Variants in TRHDE observed in about 807,000 individuals in gnomAD.
The protein encoded by TRHDE is thyrotropin-releasing hormone-degrading ectoenzyme.
TRHDE carries 72 observed loss-of-function variants against 125.7 expected under a neutral mutation model. The observed-to-expected ratio is 0.57, with a 90% CI of 0.47 to 0.70. The LOEUF is 0.70. Ranked by LOEUF, TRHDE falls within the 30% of genes least tolerant of loss-of-function variation. The pLI is 0.00. For missense variants in TRHDE, 1,110 were observed against 1,327.1 expected (o/e 0.84, Z 2.54); for synonymous variants, 509 against 509.1 (o/e 1.00, Z 0.00).
chr12:72,316,453 A>C (rs1380901299), intron 2 of TRHDE, among the ~76,000 whole-genome samples: 1 of 152,104 alleles, frequency 6.6e-6, no homozygotes, highest in Non-Finnish European at 1.5e-5. Flanking sequence ...GACTTTTTAC[A>C]AGACGAAAAC....
rs1190363456 is a variant in TRHDE, at chr12:72,583,923, C to CTTTTTTTTTTTT, written c.2321+8397_2321+8408dup. ...GCTTGTGGCTCTAAAGGATGACAAACTTTTTTTTTTTTTTTTTTTTTTTTT... is the reference window on the plus strand; with the variant it reads ...GCTTGTGGCTCTAAAGGATGACAAACTTTTTTTTTTTTTTTTTTTTTTTTTTTTTTTTTTTTT... On this transcript the variant is annotated intron_variant, in intron 12 of 18. Coordinates refer to ENST00000261180, the MANE Select transcript of TRHDE (RefSeq NM_013381.3). Among the ~76,000 whole-genome samples the CTTTTTTTTTTTT allele has an allele frequency of 2.2e-4, 13 of 60,462 alleles. 4 individuals carry two copies. The highest frequency in any genetic ancestry group is 1.6e-3 in the African/African-American group (13 of 7,974). 39.7% of individuals were successfully genotyped at this position (60,462 alleles called of 152,430 possible). A position where few individuals can be genotyped will look rare whatever the true frequency, so the allele number is the denominator to read the frequency against.
chr12:72,228,960 C>T (rs1271704879), intron 2 of TRHDE, among the ~76,000 whole-genome samples: 1 of 152,194 alleles, frequency 6.6e-6, no homozygotes, highest in Non-Finnish European at 1.5e-5. Flanking sequence ...GTCCATATCA[C>T]TATCAGCATT....
intron 12 of TRHDE, among the ~76,000 whole-genome samples, chr12:72,603,596 G>T (rs1438355662): frequency 6.6e-6 from 1 of 152,016 alleles, no homozygotes; most frequent in African/African-American, 2.4e-5. Context: ...GTGGTGGCAG[G>T]CGCCTGTAGT....
intron 2 of TRHDE, among the ~76,000 whole-genome samples, chr12:72,319,925 A>C (rs1297297471): frequency 6.6e-6 from 1 of 152,084 alleles, no homozygotes; most frequent in Admixed American, 6.6e-5. Context: ...GACTGCTAGG[A>C]AGCTCAGAGT....
chr12:72,265,035 TAC>T (rs1879034418), intron 2 of TRHDE, among the ~76,000 whole-genome samples: 1 of 151,704 alleles, frequency 6.6e-6, no homozygotes, highest in Non-Finnish European at 1.5e-5. Flanking sequence ...TCTTTGTAGA[TAC>T]AGACTCCATG....
chr12:72,093,506 C>T (rs1874839953), intron 1 of TRHDE, among the ~76,000 whole-genome samples: 1 of 152,022 alleles, frequency 6.6e-6, no homozygotes, highest in African/African-American at 2.4e-5. Flanking sequence ...CTTTTTTACT[C>T]CTTTTCATTC....
At position 72,278,702 on chromosome 12, in the gene TRHDE, A is replaced by G. The variant is rs1592514974; in HGVS notation, c.914+5145A>G. 1.3e-5 allele frequency among the ~76,000 whole-genome samples: 2 copies of G among 152,270 alleles called. 1 individual carries two copies. Among genetic ancestry groups the G allele is most frequent in the South Asian group, 4.1e-4 (2 of 4,820 alleles). On this transcript the variant is annotated intron_variant, in intron 1 of 18. Coordinates refer to ENST00000261180, the MANE Select transcript of TRHDE (RefSeq NM_013381.3). ...TTTCCCTGATGATAAGTCATGTTGA[A>G]CATTTTTCATATACCGGTTGGCCAT...
intron 2 of TRHDE, among the ~76,000 whole-genome samples, chr12:72,178,214 G>A (rs924958165): frequency 6.6e-6 from 1 of 152,058 alleles, no homozygotes; most frequent in Non-Finnish European, 1.5e-5. Context: ...TTGGTAGCAT[G>A]GTGGTGTACA....
chr12:72,595,490 A>G (rs1315638991), intron 12 of TRHDE, among the ~76,000 whole-genome samples: 1 of 152,090 alleles, frequency 6.6e-6, no homozygotes, highest in Non-Finnish European at 1.5e-5. Flanking sequence ...TTCCAGAGTG[A>G]CTAATTTTAA....
intron 2 of TRHDE, among the ~76,000 whole-genome samples, chr12:72,366,328 C>T (rs144844860): frequency 3.8e-4 from 58 of 152,186 alleles, no homozygotes; most frequent in African/African-American, 1.3e-3. Context: ...CTGTAAGTAA[C>T]TTAAACTTGT....
chr12:72,384,718 C>T (rs1872338560), intron 3 of TRHDE, among the ~76,000 whole-genome samples: 1 of 151,918 alleles, frequency 6.6e-6, no homozygotes, highest in South Asian at 2.1e-4. Flanking sequence ...ATAAATTGCC[C>T]TATTGAAGTT....
intron 17 of TRHDE, among the ~76,000 whole-genome samples, chr12:72,656,036 C>T (rs34115559): frequency 0.14 from 21,953 of 151,980 alleles, 2,167 homozygotes; most frequent in East Asian, 0.54. Context: ...CCTATTATAA[C>T]AGTGTGTAGA....
At chr12:72,644,707 G>A (rs781573627) in intron 15 of TRHDE, among the ~76,000 whole-genome samples, 3 of 152,094 alleles carry the variant, frequency 2.0e-5, no homozygotes. Flanking sequence ...CAAATAGAGG[G>A]AAAATCCCAG....
chr12:72,625,002 A>G (rs774622811), intron 15 of TRHDE, among the ~76,000 whole-genome samples: 3 of 151,930 alleles, frequency 2.0e-5, no homozygotes, highest in Admixed American at 6.6e-5. Flanking sequence ...AGAGAATAGA[A>G]ATTGGTTTCT....
chr12:72,330,337 A>G (rs1869534909), intron 2 of TRHDE, among the ~76,000 whole-genome samples: 1 of 151,968 alleles, frequency 6.6e-6, no homozygotes, highest in African/African-American at 2.4e-5. Flanking sequence ...AAGTAAAAAA[A>G]AAAAAACCAA....
intron 2 of TRHDE, among the ~76,000 whole-genome samples, chr12:72,351,960 T>C (rs1303416017): frequency 1.3e-5 from 2 of 151,916 alleles, no homozygotes; most frequent in African/African-American, 4.8e-5. Flanking sequence ...ATTCTTCTTC[T>C]GCAGATGTTG....
intron 7 of TRHDE, among the ~76,000 whole-genome samples, chr12:72,549,203 T>C (rs1358233950): frequency 6.6e-6 from 1 of 151,842 alleles, no homozygotes; most frequent in African/African-American, 2.4e-5. Flanking sequence ...CACAAAGCCA[T>C]AGGGATTATT....
In TRHDE at chr12:72,215,913, C is replaced by A. The variant is rs193060857; in HGVS notation, n.279+110161C>A. ...TTTTACTTCTGAATATGCACTTTCG[C>A]CAAAAGGAAAAATTTGGATGGGCTA... On this transcript the variant is annotated intron_variant and non_coding_transcript_variant, in intron 2 of 4. Coordinates refer to the TRHDE transcript ENST00000548156. Among the ~76,000 whole-genome samples the A allele has an allele frequency of 9.3e-4, 142 of 152,100 alleles. 2 individuals are homozygous for A. Among genetic ancestry groups the A allele is most frequent in the African/African-American group, 3.3e-3 (135 of 41,490 alleles).
rs572475825 is a variant in TRHDE, at chr12:72,640,153, G to A, written c.2676-12169G>A. 4.5e-3 allele frequency among the ~76,000 whole-genome samples: 683 copies of A among 152,358 alleles called. 5 individuals carry two copies. Among genetic ancestry groups the A allele is most frequent in the Middle Eastern group, 0.014 (4 of 294 alleles). On this transcript the variant is annotated intron_variant, in intron 15 of 18. Coordinates refer to ENST00000261180, the MANE Select transcript of TRHDE (RefSeq NM_013381.3). The stretch of plus-strand genomic sequence containing the variant: ...TCAGACTGCTGTGCTAGCAATCAGC[G>A]AGACTCCGTGGGCGTAGGACCCTCC...
Sources: allele counts gnomAD v4.1 joint callset (sites outside exome capture counted in the v4.1 genomes callset), GRCh38; gene constraint gnomAD v4.1.1; transcripts MANE v1.5; gene names NCBI Gene and HGNC (gene_info 2026-07-23, HGNC 2026-07-21).